The following SPRTN variants were observed in gnomAD, a reference collection of about 807,000 sequenced individuals.
SPRTN encodes the protein SprT-like N-terminal domain.
Under a neutral mutation model 31.9 loss-of-function variants are expected in SPRTN, and 11 were observed. That is an observed-to-expected ratio of 0.34 (90% CI 0.22 to 0.57). The LOEUF (loss-of-function observed/expected upper bound fraction) is 0.57. Among genes scored for constraint, SPRTN ranks in the 20% least tolerant of loss-of-function variants. The probability of loss-of-function intolerance (pLI) is 0.86; values close to 1 mark genes in which losing one functional copy is unlikely to be tolerated. For missense variants in SPRTN, 482 were observed against 590.1 expected, an observed-to-expected ratio of 0.82 and a Z score of 1.90; for synonymous variants, 185 against 212.1, an observed-to-expected ratio of 0.87 and a Z score of 1.11.
chr1:231,353,594 C>T lies in SPRTN; in HGVS notation c.*233C>T. The T allele has an allele frequency of 8.4e-7, 1 of 1,189,938 alleles. No homozygotes were observed. Among genetic ancestry groups the T allele is most frequent in the Non-Finnish European group, 1.0e-6 (1 of 960,328 alleles). The allele number at this position is 1,189,938 out of a possible 1,614,324, so 73.7% of individuals were successfully genotyped here. A position where few individuals can be genotyped will look rare whatever the true frequency, so the allele number is the denominator to read the frequency against. ...AGGTATACTGTAACCCAGGTTCTGC[C>T]TGTCGTGTATAAGTTTTAGATACTT... On this transcript the variant is annotated 3_prime_UTR_variant, in exon 5 of 5. Coordinates refer to ENST00000295050, the MANE Select transcript of SPRTN (RefSeq NM_032018.7).
chr1:231,346,336 G>T (rs1687061607), intron 2 of SPRTN, among the ~76,000 whole-genome samples: 1 of 150,858 alleles, frequency 6.6e-6, no homozygotes, highest in Admixed American at 6.6e-5. Context: ...CGGACTACAG[G>T]CGGGCGCAAC....
At chr1:231,345,439 T>C (rs988018323) in intron 2 of SPRTN, among the ~76,000 whole-genome samples, 2 of 152,238 alleles carry the variant, frequency 1.3e-5, no homozygotes, top group African/African-American at 4.8e-5. Flanking sequence ...CCTGTCTTTT[T>C]CATTAATACG....
chr1:231,351,649 G>A (rs1478410646), intron 4 of SPRTN, 78 bp downstream of exon 4: 1 of 1,546,662 alleles, frequency 6.5e-7, no homozygotes, highest in Non-Finnish European at 8.7e-7. Context: ...TCAGAGAACT[G>A]GTATTAAGAT....
intron 2 of SPRTN, among the ~76,000 whole-genome samples, chr1:231,343,950 C>T (rs1177963878): frequency 1.3e-5 from 2 of 151,894 alleles, no homozygotes; most frequent in Non-Finnish European, 2.9e-5. Context: ...CATTTTAACC[C>T]GATAGAACAG....
In SPRTN at chr1:231,339,794, G is replaced by C; in HGVS notation, c.247G>C (p.Gly83Arg). ...GTGTGCTGGGATATGCAGCTATGAA[G>C]GGAAGGGTGGAATGTGTTCCATCCG... ...TLCAGICSYE[G>R]KGGMCSIRLS... Residue 83 changes from glycine (G) to arginine (R), a missense_variant, in exon 2 of 5, where the codon GGG becomes CGG. Transcript: ENST00000295050. 1.9e-6 allele frequency: 3 copies of C among 1,614,112 alleles called. No individual in the cohort carries two copies. Among genetic ancestry groups the C allele is most frequent in the Non-Finnish European group, 2.5e-6 (3 of 1,180,010 alleles).
In SPRTN at chr1:231,352,795, G is replaced by A. The variant is rs78209580; in HGVS notation, c.904G>A (p.Val302Met). The part of the protein sequence containing the change: ...NAVRPNSKIK[V>M]KFEQNGSSKN... ...TGTAAGACCTAATTCTAAAATCAAG[G>A]TGAAATTTGAACAGAATGGTTCAAG... is the stretch of plus-strand genomic sequence containing the variant. Residue 302 changes from valine to methionine, a missense_variant, in exon 5 of 5, where the codon GTG (valine) becomes ATG (methionine). Physicochemically the swap from Val to Met is conservative, Grantham distance 21. Around this residue, in one of 2 missense-constraint regions of SPRTN, gnomAD observed 325 missense variants for 350.2 expected, o/e 0.93. Coordinates refer to ENST00000295050, the MANE Select transcript of SPRTN (RefSeq NM_032018.7). 1,600 of 1,613,772 alleles carry A rather than the reference G, an allele frequency of 9.9e-4. 34 individuals carry two copies. In the East Asian group the frequency reaches 0.034, roughly 35 times the overall value.
intron 3 of SPRTN, among the ~76,000 whole-genome samples, chr1:231,348,682 T>C (rs1687135097): frequency 6.6e-6 from 1 of 152,136 alleles, no homozygotes; most frequent in Admixed American, 6.5e-5. Context: ...GTGCCACTGC[T>C]CTGTTTTGTG....
chr1:231,353,764 CTGAT>C lies in SPRTN; in HGVS notation c.*404_*407del. On this transcript the variant is annotated 3_prime_UTR_variant, in exon 5 of 5. Transcript: ENST00000295050. ...ATAGTATTAGAACTCATTCCCTGAA[CTGAT>C]GTAAATCTTCATAGTGTCAGACATA... is the stretch of plus-strand genomic sequence containing the variant. 1.0e-6 allele frequency: 1 copy of C among 984,378 alleles called. No individual in the cohort carries two copies. Among genetic ancestry groups the C allele is most frequent in the Non-Finnish European group, 1.2e-6 (1 of 828,092 alleles). The allele number at this position is 984,378 out of a possible 1,614,324, so 61.0% of individuals were successfully genotyped here.
At chr1:231,343,149 C>T (rs763040254) in intron 2 of SPRTN, among the ~76,000 whole-genome samples, 1 of 152,016 alleles carries the variant, frequency 6.6e-6, no homozygotes, top group Non-Finnish European at 1.5e-5. Context: ...TGTGCAGGTT[C>T]GTTGCCTAGG....
Position 231,352,258 on chromosome 1 carries a change from G to A in SPRTN, c.719-352G>A, listed in dbSNP as rs374377048. 2.7e-4 allele frequency: 278 copies of A among 1,012,502 alleles called. 3 individuals are homozygous for A. The South Asian group carries it at 7.1e-3, about 26-fold the overall frequency. The allele number at this position is 1,012,502 out of a possible 1,614,324, so 62.7% of individuals were successfully genotyped here. On this transcript the variant is annotated intron_variant, in intron 4 of 4. Transcript: ENST00000295050. ...ATGGAAAGACCGTATCTTCATTTTC[G>A]TGAGTAGAAGGAAAGATAAGAATGA...
rs766788980 is a variant in SPRTN at position 231,351,549 on chromosome 1, A to G, written c.696A>G (p.Pro232=). The part of the protein sequence containing the change: ...GKGKAKLGKE[P]VLAAENKDKP... ...GAAAGGCAAAACTAGGAAAGGAACC[A>G]GTATTGGCCGCAGAGAATAAAGGTA... The change falls in exon 4 of 5, where the codon CCA becomes CCG. Residue 232 remains proline (P), a synonymous_variant. Transcript: ENST00000295050. 1 of 1,614,104 alleles carries G rather than the reference A, an allele frequency of 6.2e-7. No individual in the cohort carries two copies. Among genetic ancestry groups the G allele is most frequent in the South Asian group, 1.1e-5 (1 of 91,072 alleles).
At chr1:231,345,155 T>G (rs191568820) in intron 2 of SPRTN, among the ~76,000 whole-genome samples, 2,768 of 152,152 alleles carry the variant, frequency 0.018, 35 homozygotes, top group Non-Finnish European at 0.022. Flanking sequence ...TTCTTTTTTT[T>G]TTGTTGCCCA....
At chr1:231,348,570 C>T (rs143523332) in intron 3 of SPRTN, among the ~76,000 whole-genome samples, 409 of 152,084 alleles carry the variant, frequency 2.7e-3, no homozygotes, top group Admixed American at 4.3e-3. Context: ...ATTAAATAAC[C>T]TTGTTCCTTT....
At chr1:231,350,344 A>G (rs1687187941) in intron 3 of SPRTN, among the ~76,000 whole-genome samples, 1 of 152,204 alleles carries the variant, frequency 6.6e-6, no homozygotes, top group African/African-American at 2.4e-5. Context: ...TTACACAGAG[A>G]GTTCCACTGA....
chr1:231,349,445 C>T (rs368241294), intron 3 of SPRTN, among the ~76,000 whole-genome samples: 4 of 152,196 alleles, frequency 2.6e-5, no homozygotes, highest in African/African-American at 9.7e-5. Context: ...GTATAAAATA[C>T]ATTAAGTTTC....
At position 231,351,421 on chromosome 1, in the gene SPRTN, G is replaced by C. The variant is rs752059947; in HGVS notation, c.568G>C (p.Glu190Gln). Residue 190 changes from glutamate (E) to glutamine (Q), a missense_variant, in exon 4 of 5, where the codon GAA (glutamate) becomes CAA (glutamine). Glu to Gln is a conservative substitution (Grantham distance 29). Coordinates refer to ENST00000295050, the MANE Select transcript of SPRTN (RefSeq NM_032018.7). ...YGYVKRATNR[E>Q]PSAHDYWWAE... ...CTATGTCAAACGAGCTACTAACAGGGAACCCTCTGCTCATGACTATTGGTG... is the reference window on the plus strand; with the variant it reads ...CTATGTCAAACGAGCTACTAACAGGCAACCCTCTGCTCATGACTATTGGTG... 1 of 1,614,128 alleles carries C rather than the reference G, an allele frequency of 6.2e-7. No individual in the cohort carries two copies. The highest frequency in any genetic ancestry group is 2.2e-5 in the East Asian group (1 of 44,874).
At chr1:231,343,197 T>C (rs950628729) in intron 2 of SPRTN, among the ~76,000 whole-genome samples, 1 of 152,034 alleles carries the variant, frequency 6.6e-6, no homozygotes, top group Non-Finnish European at 1.5e-5. Flanking sequence ...GTATATATAC[T>C]CTATAGCCTA....
At chr1:231,340,047 T>TAA (rs3071954) in intron 2 of SPRTN, 179 bp downstream of exon 2, 78,191 of 289,198 alleles carry the variant, frequency 0.27, 8,994 homozygotes, top group Admixed American at 0.32. Context: ...TGCTTCATAG[T>TAA]AAAAAAAAAA....
chr1:231,353,059 T>C lies in SPRTN; in HGVS notation c.1168T>C (p.Ser390Pro). 1 of 1,614,186 alleles carries C rather than the reference T, an allele frequency of 6.2e-7. No homozygotes were observed. Residue 390 changes from serine to proline, a missense_variant, in exon 5 of 5, where the codon TCT (serine) becomes CCT (proline). Ser to Pro is a moderately conservative substitution (Grantham distance 74). Coordinates refer to ENST00000295050, the MANE Select transcript of SPRTN (RefSeq NM_032018.7). Reference sequence around the variant, plus strand: ...TTCTTCAAAAGTAACGGAATCAGCATCTGTGATGCCATCCCAGGATGTGAG... The same window carrying C: ...TTCTTCAAAAGTAACGGAATCAGCACCTGTGATGCCATCCCAGGATGTGAG... ...RNSSKVTESASVMPSQDVSGS... is the reference protein window; with the variant it reads ...RNSSKVTESAPVMPSQDVSGS...
Sources: gnomAD v4.1 joint callset for allele counts (sites outside exome capture counted in the v4.1 genomes callset) on GRCh38, gnomAD v4.1.1 for gene constraint, gnomAD v4.1.1 regional missense constraint, MANE v1.5 for transcripts, NCBI Gene and HGNC (gene_info 2026-07-23, HGNC 2026-07-21) for gene names.